CEP44: variants seen among roughly 807,000 people sequenced by gnomAD.
CEP44 encodes centrosomal protein 44.
A neutral mutation model predicts 46.7 loss-of-function variants in CEP44; 45 were observed. The ratio of observed to expected loss-of-function variants is 0.96; its 90% CI spans 0.76 to 1.24. The LOEUF is 1.24. CEP44 is among the 50% of genes most tolerant of loss of function. CEP44 has a pLI of 0.00. For synonymous variants in CEP44, 142 were observed against 146.0 expected (o/e 0.97, Z 0.20); for missense variants, 475 against 459.7 (o/e 1.03, Z -0.30).
rs1245366250 is a variant in CEP44, at chr4:174,287,800, C to A, written c.-148+3857C>A. Among the ~76,000 whole-genome samples the A allele has an allele frequency of 6.6e-6, 1 of 152,076 alleles. No homozygotes were observed. Among genetic ancestry groups the A allele is most frequent in the Non-Finnish European group, 1.5e-5 (1 of 68,010 alleles). ...TATGTTTATAAGTGTTTTGCAGTAA[C>A]CTTTTTGTTTCTATAATTTCATGGT... is the stretch of plus-strand genomic sequence containing the variant. On this transcript the variant is annotated intron_variant, in intron 1 of 11. Transcript: ENST00000503780. This position sits in a 1 kb window ranked among gnomAD's most constrained non-coding sequence, Gnocchi z 5.1.
At position 174,296,602 on chromosome 4, in the gene CEP44, T is replaced by C. The variant is rs537494413; in HGVS notation, c.-147-1364T>C. Among the ~76,000 whole-genome samples, 40 of 152,278 alleles carry C rather than the reference T, an allele frequency of 2.6e-4. 1 individual carries two copies. In the South Asian group the frequency reaches 7.7e-3, roughly 29 times the overall value. ...CAGACATTGTATGATTTATACTTTT[T>C]AAAAATGTGTTAAGGTATGCCTTAT... On this transcript the variant is annotated intron_variant, in intron 1 of 11. Coordinates refer to ENST00000503780, the MANE Select transcript of CEP44 (RefSeq NM_001040157.3).
rs906623791 is a variant in CEP44 at position 174,320,326 on chromosome 4, T to C, written c.*2943T>C. On this transcript the variant is annotated 3_prime_UTR_variant, in exon 12 of 12. Transcript: ENST00000503780. The stretch of plus-strand genomic sequence containing the variant: ...ATTTTAAAAATAAAACTTGAAAACG[T>C]TGGGACTTTGTTTCATGCCATTCAT... 1 of 974,456 alleles carries C rather than the reference T, an allele frequency of 1.0e-6. No individual in the cohort carries two copies. Among genetic ancestry groups the C allele is most frequent in the Non-Finnish European group, 1.2e-6 (1 of 820,472 alleles). The allele number at this position is 974,456 out of a possible 1,614,324, so 60.4% of individuals were successfully genotyped here. A position where few individuals can be genotyped will look rare whatever the true frequency, so the allele number is the denominator to read the frequency against.
Position 174,318,397 on chromosome 4 carries a change from G to A in CEP44, c.*1014G>A, listed in dbSNP as rs1741974169. 2.0e-6 allele frequency: 2 copies of A among 985,202 alleles called. No individual in the cohort carries two copies. The highest frequency in any genetic ancestry group is 2.4e-6 in the Non-Finnish European group (2 of 829,824). 61.0% of individuals were successfully genotyped at this position (985,202 alleles called of 1,614,324 possible). Reference sequence around the variant, plus strand: ...TAGCCACCGTTAAAAGATACACAGTGAGGTGTTGTGTTTTGTTTTTTTAAT... The same window carrying A: ...TAGCCACCGTTAAAAGATACACAGTAAGGTGTTGTGTTTTGTTTTTTTAAT... On this transcript the variant is annotated 3_prime_UTR_variant, in exon 12 of 12. Transcript: ENST00000503780.
chr4:174,290,311 A>G lies in CEP44; in HGVS notation c.-148+6368A>G, dbSNP rs1434766055. Reference sequence around the variant, plus strand: ...TTATTCTTTGACCCAGTATTATTTAATAGTATGTTATTTAATTCCCCTGTA... The same window carrying G: ...TTATTCTTTGACCCAGTATTATTTAGTAGTATGTTATTTAATTCCCCTGTA... On this transcript the variant is annotated intron_variant, in intron 1 of 11. Transcript: ENST00000503780. The surrounding 1 kb of genome is among the most constrained non-coding windows in gnomAD (Gnocchi z 4.3). Among the ~76,000 whole-genome samples, 2 of 151,838 alleles carry G rather than the reference A, an allele frequency of 1.3e-5. No individual in the cohort carries two copies. Among genetic ancestry groups the G allele is most frequent in the South Asian group, 4.2e-4 (2 of 4,798 alleles).
intron 2 of CEP44, among the ~76,000 whole-genome samples, 172 bp downstream of exon 2, chr4:174,298,234 G>A (rs1167387011): frequency 7.4e-6 from 1 of 135,212 alleles, no homozygotes; most frequent in Non-Finnish European, 1.5e-5. Context: ...GGAGTGCAGT[G>A]GCGGGATCTC....
chr4:174,285,692 C>G (rs963919930), intron 1 of CEP44: 2 of 152,178 alleles, frequency 1.3e-5, no homozygotes, highest in African/African-American at 4.8e-5. Flanking sequence ...ATTAAAGTTA[C>G]TGGGAAGAAG....
chr4:174,308,915 A>G, intron 7 of CEP44, 56 bp downstream of exon 7: 1 of 1,433,192 alleles, frequency 7.0e-7, no homozygotes. Context: ...AAATATGTGT[A>G]ATTATTTCAG....
At position 174,318,667 on chromosome 4, in the gene CEP44, T is replaced by C; in HGVS notation, c.*1284T>C. 3.6e-6 allele frequency: 2 copies of C among 561,314 alleles called. No individual in the cohort carries two copies. Among genetic ancestry groups the C allele is most frequent in the Non-Finnish European group, 4.5e-6 (2 of 443,578 alleles). 34.8% of individuals were successfully genotyped at this position (561,314 alleles called of 1,614,324 possible). On this transcript the variant is annotated 3_prime_UTR_variant, in exon 12 of 12. Transcript: ENST00000503780. ...ATTTTATTTATTCATCTATTTATGG[T>C]ATGTATGTATAATTCTATATTACAC... is the stretch of plus-strand genomic sequence containing the variant.
At chr4:174,324,746 AC>A (rs750438039), downstream of CEP44, among the ~76,000 whole-genome samples, 1 of 152,070 alleles carries the variant, frequency 6.6e-6, no homozygotes, top group Non-Finnish European at 1.5e-5. Context: ...CCAGACACTT[AC>A]CCCTGAGTAG....
rs1742042383 is a variant in CEP44, at chr4:174,319,028, C to T, written c.*1645C>T. ...TTCACCATGTTGCCCAGTCTGTTCT[C>T]AAACTCGTGAGCTAAAGCTACTCGC... On this transcript the variant is annotated 3_prime_UTR_variant, in exon 12 of 12. Transcript: ENST00000503780. The T allele has an allele frequency of 2.1e-6, 1 of 484,190 alleles. No homozygotes were observed. Among genetic ancestry groups the T allele is most frequent in the African/African-American group, 2.1e-5 (1 of 47,344 alleles). The allele number at this position is 484,190 out of a possible 1,614,324, so 30.0% of individuals were successfully genotyped here.
chr4:174,299,251 G>T, intron 3 of CEP44, 41 bp downstream of exon 3: 1 of 1,517,156 alleles, frequency 6.6e-7, no homozygotes, highest in Non-Finnish European at 9.0e-7. Flanking sequence ...CTTCTTGCTA[G>T]TGATTTGAGA....
rs1742666160 is a variant in CEP44, at chr4:174,326,332, G to T, written c.1087-5150G>T. Among the ~76,000 whole-genome samples the T allele has an allele frequency of 6.6e-6, 1 of 151,040 alleles. No individual in the cohort carries two copies. Among genetic ancestry groups the T allele is most frequent in the South Asian group, 2.1e-4 (1 of 4,818 alleles). On this transcript the variant is annotated intron_variant, in intron 8 of 8. Coordinates refer to the CEP44 transcript ENST00000426172. The surrounding 1 kb of genome is among the most constrained non-coding windows in gnomAD (Gnocchi z 4.8). ...CAAATATTATACTACTCATTTTTCA[G>T]TATATATATTTAACTTAATATAGGC...
Position 174,287,345 on chromosome 4 carries a change from A to G in CEP44, c.-148+3402A>G, listed in dbSNP as rs1737683140. Among the ~76,000 whole-genome samples, 1 of 152,116 alleles carries G rather than the reference A, an allele frequency of 6.6e-6. No homozygotes were observed. Among genetic ancestry groups the G allele is most frequent in the South Asian group, 2.1e-4 (1 of 4,826 alleles). On this transcript the variant is annotated intron_variant, in intron 1 of 11. Coordinates refer to ENST00000503780, the MANE Select transcript of CEP44 (RefSeq NM_001040157.3). This position sits in a 1 kb window ranked among gnomAD's most constrained non-coding sequence, Gnocchi z 5.1. ...CTGGGTCTATTAGAGAAAATTAATGAGGGGGATTAATTAGTTTGGGATCTA... is the reference window on the plus strand; with the variant it reads ...CTGGGTCTATTAGAGAAAATTAATGGGGGGGATTAATTAGTTTGGGATCTA...
chr4:174,316,398 C>A, intron 10 of CEP44, 108 bp downstream of exon 10: 1 of 1,384,436 alleles, frequency 7.2e-7, no homozygotes, highest in East Asian at 2.3e-5. Flanking sequence ...GAATCTTAGT[C>A]TCTCAAAATT....
intron 8 of CEP44, among the ~76,000 whole-genome samples, chr4:174,327,731 G>A (rs781687463): frequency 5.9e-5 from 9 of 152,012 alleles, no homozygotes; most frequent in Non-Finnish European, 1.2e-4. Context: ...GGAATACCTG[G>A]CTATTTATAT....
chr4:174,331,876 T>G lies in CEP44; in HGVS notation c.*281T>G. The G allele has an allele frequency of 3.2e-6, 1 of 311,824 alleles. No homozygotes were observed. The highest frequency in any genetic ancestry group is 5.8e-6 in the Non-Finnish European group (1 of 171,326). The allele number at this position is 311,824 out of a possible 1,614,324, so 19.3% of individuals were successfully genotyped here. A position where few individuals can be genotyped will look rare whatever the true frequency, so the allele number is the denominator to read the frequency against. ...GTTTATAGCTTTCATATTTCTTTAT[T>G]ATTGTAAATGGGGGCTGTGGAAGGT... is the stretch of plus-strand genomic sequence containing the variant. On this transcript the variant is annotated 3_prime_UTR_variant, in exon 9 of 9. Transcript: ENST00000426172. This position sits in a 1 kb window ranked among gnomAD's most constrained non-coding sequence, Gnocchi z 4.5.
rs557596830 is a variant in CEP44, at chr4:174,318,072, T to C, written c.*689T>C. 2 of 985,402 alleles carry C rather than the reference T, an allele frequency of 2.0e-6. No individual in the cohort carries two copies. Among genetic ancestry groups the C allele is most frequent in the East Asian group, 1.1e-4 (1 of 8,812 alleles). The allele number at this position is 985,402 out of a possible 1,614,324, so 61.0% of individuals were successfully genotyped here. A position where few individuals can be genotyped will look rare whatever the true frequency, so the allele number is the denominator to read the frequency against. ...TAGTATGCTCTATTGTATAATTTTTTTGGAGGGGGGGATGGAGTTTCGCTG... is the reference window on the plus strand; with the variant it reads ...TAGTATGCTCTATTGTATAATTTTTCTGGAGGGGGGGATGGAGTTTCGCTG... On this transcript the variant is annotated 3_prime_UTR_variant, in exon 12 of 12. Coordinates refer to ENST00000503780, the MANE Select transcript of CEP44 (RefSeq NM_001040157.3).
rs1480589124 is a variant in CEP44, at chr4:174,286,139, A to G, written c.-148+2196A>G. ...CAATAAGCTGTTGCCTACCATGTTG[A>G]TAAAGGAGACTAGGAACAGAAAGGT... On this transcript the variant is annotated intron_variant, in intron 1 of 11. Coordinates refer to ENST00000503780, the MANE Select transcript of CEP44 (RefSeq NM_001040157.3). The surrounding 1 kb of genome is among the most constrained non-coding windows in gnomAD (Gnocchi z 5.2). 3.9e-5 allele frequency among the ~76,000 whole-genome samples: 6 copies of G among 152,358 alleles called. No individual in the cohort carries two copies. The highest frequency in any genetic ancestry group is 1.2e-4 in the African/African-American group (5 of 41,578).
At position 174,292,359 on chromosome 4, in the gene CEP44, A is replaced by G. The variant is rs1344607602; in HGVS notation, c.-147-5607A>G. Among the ~76,000 whole-genome samples, 10 of 152,134 alleles carry G rather than the reference A, an allele frequency of 6.6e-5. No individual in the cohort carries two copies. In the East Asian group the frequency reaches 1.5e-3, roughly 24 times the overall value. On this transcript the variant is annotated intron_variant, in intron 1 of 11. Coordinates refer to ENST00000503780, the MANE Select transcript of CEP44 (RefSeq NM_001040157.3). ...GTACAGACCTCTTTGGCTTCAACCT[A>G]TTTGGGAACTTTTGGGCTTCGTGAG...
Sources: gnomAD v4.1 joint callset for allele counts (sites outside exome capture counted in the v4.1 genomes callset) on GRCh38, gnomAD v4.1.1 for gene constraint, Gnocchi (gnomAD v3.1) non-coding constraint, MANE v1.5 for transcripts, NCBI Gene and HGNC (gene_info 2026-07-23, HGNC 2026-07-21) for gene names.